The following GPM6A variants were observed in gnomAD, a reference collection of about 807,000 sequenced individuals.
GPM6A encodes the protein glycoprotein M6A.
GPM6A carries 7 observed loss-of-function variants against 32.1 expected under a neutral mutation model. The observed-to-expected ratio is 0.22, with a 90% CI of 0.12 to 0.41. The LOEUF (loss-of-function observed/expected upper bound fraction) is 0.41, where lower values mean the gene tolerates loss of function less well. Ranked by LOEUF, GPM6A falls within the 10% of genes least tolerant of loss-of-function variation. The pLI, the probability that GPM6A is intolerant of heterozygous loss-of-function variation, is 1.00. For synonymous variants in GPM6A, 130 were observed against 123.4 expected (o/e 1.05, Z -0.35); for missense variants, 235 against 347.2 (o/e 0.68, Z 2.57).
chr4:175,715,359 GC>G (rs1745785917), intron 1 of GPM6A, among the ~76,000 whole-genome samples: 2 of 152,288 alleles, frequency 1.3e-5, no homozygotes, highest in South Asian at 4.1e-4. Flanking sequence ...GATTGTTCAC[GC>G]AGATGCAGCC....
chr4:175,964,689 C>T (rs1443794912), intron 1 of GPM6A, among the ~76,000 whole-genome samples: 2 of 152,152 alleles, frequency 1.3e-5, no homozygotes, highest in African/African-American at 4.8e-5. Flanking sequence ...CTTAAAGACC[C>T]TCTCTCCAAA....
chr4:175,799,042 A>T (rs537079089), intron 1 of GPM6A, among the ~76,000 whole-genome samples: 7 of 152,324 alleles, frequency 4.6e-5, no homozygotes, highest in African/African-American at 1.4e-4. Context: ...AGTGCTTAAA[A>T]TATACGAGTC....
At chr4:175,970,187 T>TA (rs1303041510) in intron 1 of GPM6A, among the ~76,000 whole-genome samples, 1 of 152,184 alleles carries the variant, frequency 6.6e-6, no homozygotes, top group Non-Finnish European at 1.5e-5. Flanking sequence ...CACCTCTCAA[T>TA]AAACAAGTTT....
intron 1 of GPM6A, among the ~76,000 whole-genome samples, chr4:175,895,218 A>G (rs1456835545): frequency 6.6e-6 from 1 of 152,172 alleles, no homozygotes; most frequent in African/African-American, 2.4e-5. Flanking sequence ...TTGCTTTTAA[A>G]TATGTGATCC....
At position 175,723,554 on chromosome 4, in the gene GPM6A, G is replaced by T. The variant is rs184253020; in HGVS notation, c.38-21787C>A. On this transcript the variant is annotated intron_variant, in intron 1 of 6. Coordinates refer to ENST00000393658, the MANE Select transcript of GPM6A (RefSeq NM_201591.3). ...CAAAAGGGTATTTCTGGGGGAGTTT[G>T]GCTAGAATGCTATATTTTCACCAAA... is the stretch of plus-strand genomic sequence containing the variant. Among the ~76,000 whole-genome samples the T allele has an allele frequency of 2.0e-3, 306 of 152,156 alleles. 1 individual carries two copies. The highest frequency in any genetic ancestry group is 4.3e-3 in the African/African-American group (179 of 41,508).
At chr4:175,673,880 G>A (rs1743220971) in intron 2 of GPM6A, 44 bp from the exon 3 acceptor site, 1 of 1,356,894 alleles carries the variant, frequency 7.4e-7, no homozygotes, top group African/African-American at 1.4e-5. Flanking sequence ...ACTTTTCATT[G>A]CTGCTGTGCA....
At position 175,765,817 on chromosome 4, in the gene GPM6A, C is replaced by A. The variant is rs115776187; in HGVS notation, c.37+46374G>T. 3.4e-3 allele frequency among the ~76,000 whole-genome samples: 523 copies of A among 152,316 alleles called. 3 individuals are homozygous for A. The highest frequency in any genetic ancestry group is 0.012 in the African/African-American group (512 of 41,580). Reference sequence around the variant, plus strand: ...TTTCATATTGCCCCAGTGAAATCAACCTTTTTCACATCTTATCGGCACCAC... The same window carrying A: ...TTTCATATTGCCCCAGTGAAATCAAACTTTTTCACATCTTATCGGCACCAC... On this transcript the variant is annotated intron_variant, in intron 1 of 6. Transcript: ENST00000393658.
chr4:175,971,170 AT>A (rs1398760753), intron 1 of GPM6A, among the ~76,000 whole-genome samples: 1 of 151,996 alleles, frequency 6.6e-6, no homozygotes, highest in African/African-American at 2.4e-5. Context: ...TAGAGCCCTA[AT>A]ATCTTAGTGG....
At chr4:175,921,699 TACACCACAGAAAGTATTCAAATCCTG>T (rs1290976751) in intron 1 of GPM6A, among the ~76,000 whole-genome samples, 1 of 152,198 alleles carries the variant, frequency 6.6e-6, no homozygotes, top group African/African-American at 2.4e-5. Context: ...AGATGTATTT[TACACCACAGAAAGTATTCAAATCCTG>T]ACCATGAGCC....
chr4:175,982,025 G>T (rs1740835201), intron 1 of GPM6A, among the ~76,000 whole-genome samples: 1 of 152,042 alleles, frequency 6.6e-6, no homozygotes, highest in South Asian at 2.1e-4. Flanking sequence ...AATATTTTAT[G>T]TATTTTTATG....
At position 175,634,801 on chromosome 4, in the gene GPM6A, T is replaced by C. The variant is rs1420179847; in HGVS notation, c.*104A>G. 8 of 832,130 alleles carry C rather than the reference T, an allele frequency of 9.6e-6. 1 individual carries two copies. Among genetic ancestry groups the C allele is most frequent in the South Asian group, 9.6e-5 (6 of 62,668 alleles). 51.5% of individuals were successfully genotyped at this position (832,130 alleles called of 1,614,324 possible). On this transcript the variant is annotated 3_prime_UTR_variant, in exon 7 of 7. Transcript: ENST00000393658. ...GATTCATAAGTCACCTTACATATCA[T>C]TGATGAGAAGCACTTTCGTTTTGTT...
intron 1 of GPM6A, among the ~76,000 whole-genome samples, chr4:175,927,928 T>A (rs1349135575): frequency 2.5e-5 from 3 of 122,030 alleles, no homozygotes; most frequent in African/African-American, 9.3e-5. Context: ...CTCATGCTAA[T>A]GAACCTTCTT....
intron 1 of GPM6A, among the ~76,000 whole-genome samples, chr4:175,875,443 G>A (rs1737052158): frequency 6.6e-6 from 1 of 152,164 alleles, no homozygotes; most frequent in African/African-American, 2.4e-5. Flanking sequence ...AGTGATCATG[G>A]GATAATTAGA....
At chr4:175,892,581 T>C (rs1269171007) in intron 1 of GPM6A, among the ~76,000 whole-genome samples, 1 of 152,076 alleles carries the variant, frequency 6.6e-6, no homozygotes, top group Non-Finnish European at 1.5e-5. Flanking sequence ...TAAGAGAGAG[T>C]GAAGGACTAA....
intron 1 of GPM6A, among the ~76,000 whole-genome samples, chr4:175,920,773 C>T (rs549228382): frequency 8.6e-5 from 13 of 151,176 alleles, no homozygotes; most frequent in South Asian, 2.1e-4. Context: ...CACTTGAACC[C>T]GGGAGGCGGT....
intron 1 of GPM6A, among the ~76,000 whole-genome samples, chr4:175,850,988 T>C (rs758285136): frequency 1.3e-5 from 2 of 152,090 alleles, no homozygotes; most frequent in Non-Finnish European, 1.5e-5. Context: ...TTTTTCTTAC[T>C]AGAAATATTC....
chr4:175,923,005 A>G (rs981040507), intron 1 of GPM6A, among the ~76,000 whole-genome samples: 1 of 152,076 alleles, frequency 6.6e-6, no homozygotes. Context: ...TGTACTGGTA[A>G]CTAAAATATA....
At chr4:175,900,486 C>T (rs1579610226) in intron 1 of GPM6A, among the ~76,000 whole-genome samples, 1 of 134,674 alleles carries the variant, frequency 7.4e-6, no homozygotes, top group Non-Finnish European at 1.6e-5. Context: ...CAAAAGAAGA[C>T]ATACAAATGG....
intron 1 of GPM6A, among the ~76,000 whole-genome samples, chr4:175,897,151 A>G (rs967368654): frequency 2.0e-5 from 3 of 152,100 alleles, no homozygotes; most frequent in African/African-American, 7.2e-5. Flanking sequence ...GGATTAGGAA[A>G]TGTAGGAAGC....
Sources: allele counts gnomAD v4.1 joint callset (sites outside exome capture counted in the v4.1 genomes callset), GRCh38; gene constraint gnomAD v4.1.1; transcripts MANE v1.5; gene names NCBI Gene and HGNC (gene_info 2026-07-23, HGNC 2026-07-21).